EP300: variants seen among roughly 807,000 people sequenced by gnomAD.
The protein encoded by EP300 is EP300 lysine acetyltransferase, also known as histone acetyltransferase p300.
A neutral mutation model predicts 264.0 loss-of-function variants in EP300; 31 were observed. That is an observed-to-expected ratio of 0.12 (90% CI 0.09 to 0.16). EP300 has a LOEUF of 0.16. Among genes scored for constraint, EP300 ranks in the 10% least tolerant of loss-of-function variants. The probability of loss-of-function intolerance (pLI) is 1.00; values close to 1 mark genes in which losing one functional copy is unlikely to be tolerated. For missense variants in EP300, 2,766 were observed against 3,052.9 expected (o/e 0.91, Z 2.21); for synonymous variants, 1,340 against 1,045.4 (o/e 1.28, Z -5.44).
chr22:41,119,169 ATTATTATTTT>A (rs1284185622), intron 2 of EP300, among the ~76,000 whole-genome samples: 147 of 73,198 alleles, frequency 2.0e-3, no homozygotes, highest in African/African-American at 0.01. Context: ...TGCCTGGCTT[ATTATTATTTT>A]TTTTTTTTTT....
chr22:41,158,321 A>G, intron 18 of EP300, 91 bp from the exon 19 acceptor site: 1 of 937,788 alleles, frequency 1.1e-6, no homozygotes, highest in Non-Finnish European at 1.7e-6. Flanking sequence ...GAACTAAGAC[A>G]CCACTGACTT....
chr22:41,171,600 G>A (rs569873839), intron 27 of EP300, among the ~76,000 whole-genome samples: 1 of 151,842 alleles, frequency 6.6e-6, no homozygotes, highest in African/African-American at 2.4e-5. Flanking sequence ...GCCTCCCAAA[G>A]TGCTAGGATT....
rs1033716761 is a variant in EP300, at chr22:41,132,668, T to C, written c.1528+1035T>C. Among the ~76,000 whole-genome samples the C allele has an allele frequency of 3.9e-4, 60 of 152,186 alleles. 2 individuals are homozygous for C. Among genetic ancestry groups the C allele is most frequent in the Non-Finnish European group, 1.0e-4 (7 of 68,036 alleles). On this transcript the variant is annotated intron_variant, in intron 6 of 30. Transcript: ENST00000263253. ...ATACAACAGAAATTGTGTTTTGACTTGAGGCATTTTGGGCTGAAACATATA... is the reference window on the plus strand; with the variant it reads ...ATACAACAGAAATTGTGTTTTGACTCGAGGCATTTTGGGCTGAAACATATA...
chr22:41,097,087 T>TA (rs1471872044), intron 1 of EP300, among the ~76,000 whole-genome samples: 1 of 152,244 alleles, frequency 6.6e-6, no homozygotes, highest in Non-Finnish European at 1.5e-5. Flanking sequence ...GTCTTGCAGA[T>TA]ATAGCTCCTG....
chr22:41,148,135 G>C (rs2145734666), intron 12 of EP300, among the ~76,000 whole-genome samples, 189 bp downstream of exon 12: 1 of 152,284 alleles, frequency 6.6e-6, no homozygotes, highest in Middle Eastern at 3.4e-3. Context: ...CCTTGTCCCT[G>C]GAGTGTCAGT....
chr22:41,118,862 A>G (rs990973947), intron 2 of EP300, among the ~76,000 whole-genome samples: 6 of 151,980 alleles, frequency 3.9e-5, no homozygotes, highest in Admixed American at 3.9e-4. Flanking sequence ...CAGATGGACA[A>G]ACTTGTGTTG....
Position 41,092,792 on chromosome 22 carries a change from G to A in EP300, c.-213G>A. ...TCCTCCGGGCTTGGGCCCAGGCCCG[G>A]CCCCTCGCACTTGCCCTTACCTTTT... On this transcript the variant is annotated 5_prime_UTR_variant, in exon 1 of 31. Coordinates refer to ENST00000263253, the MANE Select transcript of EP300 (RefSeq NM_001429.4). 1.6e-6 allele frequency: 1 copy of A among 639,176 alleles called. No homozygotes were observed. The highest frequency in any genetic ancestry group is 2.8e-6 in the Non-Finnish European group (1 of 353,392). 39.6% of individuals were successfully genotyped at this position (639,176 alleles called of 1,614,324 possible).
At chr22:41,120,194 A>G (rs977804388) in intron 2 of EP300, among the ~76,000 whole-genome samples, 1 of 152,220 alleles carries the variant, frequency 6.6e-6, no homozygotes, top group Non-Finnish European at 1.5e-5. Flanking sequence ...TGTTTAATAA[A>G]TTTAACAAAT....
chr22:41,166,575 A>C, intron 22 of EP300, 24 bp from the exon 23 acceptor site: 1 of 1,603,076 alleles, frequency 6.2e-7, no homozygotes, highest in East Asian at 2.2e-5. Flanking sequence ...AAGTTGTGTA[A>C]GCAAAGTTTT....
intron 1 of EP300, among the ~76,000 whole-genome samples, chr22:41,106,342 G>A (rs1334389141): frequency 1.3e-5 from 2 of 152,176 alleles, no homozygotes; most frequent in African/African-American, 2.4e-5. Flanking sequence ...CTAATGTTAT[G>A]TAGGTTTGGT....
intron 16 of EP300, among the ~76,000 whole-genome samples, chr22:41,152,957 C>T (rs559893720): frequency 3.1e-4 from 47 of 152,204 alleles, no homozygotes; most frequent in African/African-American, 1.0e-3. Flanking sequence ...AGGATTTCAC[C>T]GTGTTGGCCA....
Position 41,177,138 on chromosome 22 carries a change from C to T in EP300, c.5427C>T (p.Ile1809=), listed in dbSNP as rs1179704687. ...GCCCGGTGCCGTTCTGCCTAAACATCAAGCAGAAGCTCCGGCAGCAACAGC... is the reference window on the plus strand; with the variant it reads ...GCCCGGTGCCGTTCTGCCTAAACATTAAGCAGAAGCTCCGGCAGCAACAGC... ...NKCPVPFCLN[I]KQKLRQQQLQ... The change falls in exon 31 of 31, where the codon ATC becomes ATT. Residue 1809 remains isoleucine (I), a synonymous_variant. Coordinates refer to ENST00000263253, the MANE Select transcript of EP300 (RefSeq NM_001429.4). The T allele has an allele frequency of 3.1e-6, 5 of 1,613,994 alleles. No individual in the cohort carries two copies. Among genetic ancestry groups the T allele is most frequent in the Non-Finnish European group, 4.2e-6 (5 of 1,180,022 alleles).
At chr22:41,154,917 G>T in intron 16 of EP300, 78 bp from the exon 17 acceptor site, 2 of 954,116 alleles carry the variant, frequency 2.1e-6, no homozygotes, top group East Asian at 2.4e-5. Flanking sequence ...GATGCTTTTA[G>T]AGCTTCAGGC....
At chr22:41,133,133 C>T (rs1027496699) in intron 6 of EP300, among the ~76,000 whole-genome samples, 9 of 150,484 alleles carry the variant, frequency 6.0e-5, no homozygotes, top group Admixed American at 3.3e-4. Context: ...CATGAGCCAC[C>T]GCACCTGGCC....
At chr22:41,151,108 A>AAT (rs1184670357) in intron 14 of EP300, among the ~76,000 whole-genome samples, 2 of 152,080 alleles carry the variant, frequency 1.3e-5, no homozygotes, top group African/African-American at 2.4e-5. Context: ...TACCGATATT[A>AAT]ATATATATCG....
chr22:41,164,146 G>A lies in EP300; in HGVS notation c.3806+16G>A. 1 of 1,612,132 alleles carries A rather than the reference G, an allele frequency of 6.2e-7. No individual in the cohort carries two copies. Among genetic ancestry groups the A allele is most frequent in the African/African-American group, 1.3e-5 (1 of 74,976 alleles). On this transcript the variant is annotated intron_variant, in intron 22 of 30. Coordinates refer to ENST00000263253, the MANE Select transcript of EP300 (RefSeq NM_001429.4). ...GGCCTGCTGGGTAAGTCTTAACGTT[G>A]TTACTTTCTCTGGAATTTTTCTTTA...
intron 1 of EP300, among the ~76,000 whole-genome samples, chr22:41,096,183 G>T (rs2058700651): frequency 6.6e-6 from 1 of 151,916 alleles, no homozygotes; most frequent in African/African-American, 2.4e-5. Flanking sequence ...GATTATGAAA[G>T]CCACTTGTAA....
At chr22:41,112,070 A>G (rs555568275) in intron 1 of EP300, among the ~76,000 whole-genome samples, 3 of 142,574 alleles carry the variant, frequency 2.1e-5, no homozygotes, top group East Asian at 2.1e-4. Context: ...TGTATTTTTT[A>G]GTAGAGACGG....
At chr22:41,138,702 CAG>C (rs1337755960) in intron 8 of EP300, among the ~76,000 whole-genome samples, 4 of 152,284 alleles carry the variant, frequency 2.6e-5, no homozygotes, top group Non-Finnish European at 4.4e-5. Flanking sequence ...TTGCCAATTA[CAG>C]AGTTTACCCT....
Sources: allele counts gnomAD v4.1 joint callset (sites outside exome capture counted in the v4.1 genomes callset), GRCh38; gene constraint gnomAD v4.1.1; transcripts MANE v1.5; gene names NCBI Gene and HGNC (gene_info 2026-07-23, HGNC 2026-07-21).